The following MALSU1 variants were observed in gnomAD, a reference collection of about 807,000 sequenced individuals.
The protein encoded by MALSU1 is mitochondrial assembly of ribosomal large subunit protein 1.
In MALSU1, 22 loss-of-function variants were observed where a neutral mutation model predicts 22.1. The observed-to-expected ratio is 1.00, with a 90% CI of 0.71 to 1.42. The LOEUF is 1.42. Among genes scored for constraint, MALSU1 ranks in the 40% most tolerant of loss-of-function variants. MALSU1 has a pLI of 0.00. For synonymous variants in MALSU1, 153 were observed against 118.5 expected, an observed-to-expected ratio of 1.29 and a Z score of -1.89; for missense variants, 379 against 308.3, an observed-to-expected ratio of 1.23 and a Z score of -1.72.
At chr7:23,305,678 C>T (rs1783713758) in intron 2 of MALSU1, among the ~76,000 whole-genome samples, 1 of 152,084 alleles carries the variant, frequency 6.6e-6, no homozygotes, top group Non-Finnish European at 1.5e-5. Context: ...TGTCTGGCCC[C>T]ACATAAAGTT....
Position 23,311,568 on chromosome 7 carries a change from A to T in MALSU1, c.*2025A>T, listed in dbSNP as rs1783830722. The T allele has an allele frequency of 6.6e-6, 1 of 152,324 alleles. No homozygotes were observed. The highest frequency in any genetic ancestry group is 2.4e-5 in the African/African-American group (1 of 41,444). The allele number at this position is 152,324 out of a possible 1,614,324, so 9.4% of individuals were successfully genotyped here. A position where few individuals can be genotyped will look rare whatever the true frequency, so the allele number is the denominator to read the frequency against. ...TAGGCACTGCTCCGTATTTTTGAAC[A>T]TTTGATTTAACTAATAACTGTGTCA... On this transcript the variant is annotated 3_prime_UTR_variant, in exon 4 of 4. Transcript: ENST00000466681.
intron 2 of MALSU1, among the ~76,000 whole-genome samples, chr7:23,303,618 G>A (rs1187513700): frequency 1.3e-5 from 2 of 151,662 alleles, no homozygotes; most frequent in African/African-American, 4.8e-5. Flanking sequence ...GCAACATGGT[G>A]AAACTCCATC....
At position 23,310,853 on chromosome 7, in the gene MALSU1, AC is replaced by A. The variant is rs1783806247; in HGVS notation, c.*1311del. 1 of 152,134 alleles carries A rather than the reference AC, an allele frequency of 6.6e-6. No individual in the cohort carries two copies. The highest frequency in any genetic ancestry group is 6.6e-5 in the Admixed American group (1 of 15,254). 9.4% of individuals were successfully genotyped at this position (152,134 alleles called of 1,614,324 possible). ...AGTGTAACATGACTGTGATCATCTTACAAACAAAACTCAAAAAATCAATTCA... is the reference window on the plus strand; with the variant it reads ...AGTGTAACATGACTGTGATCATCTTAAAACAAAACTCAAAAAATCAATTCA... On this transcript the variant is annotated 3_prime_UTR_variant, in exon 4 of 4. Coordinates refer to ENST00000466681, the MANE Select transcript of MALSU1 (RefSeq NM_138446.2).
rs1207331773 is a variant in MALSU1, at chr7:23,309,403, G to GAATT, written c.567_570dup (p.Glu191IlefsTer11). The GAATT allele has an allele frequency of 1.2e-6, 2 of 1,613,342 alleles. No homozygotes were observed. The highest frequency in any genetic ancestry group is 2.2e-5 in the East Asian group (1 of 44,840). ...GCTTCCAGAAACCAGAGAAATCTAT[G>GAATT]AATTAGAGAAATTATGGACCCTACG... On this transcript the variant is annotated frameshift_variant, in exon 4 of 4. Coordinates refer to ENST00000466681, the MANE Select transcript of MALSU1 (RefSeq NM_138446.2). LOFTEE classifies it high-confidence loss of function.
intron 2 of MALSU1, among the ~76,000 whole-genome samples, chr7:23,301,541 G>A (rs925048524): frequency 1.3e-5 from 2 of 152,214 alleles, no homozygotes; most frequent in African/African-American, 2.4e-5. Context: ...TTACTGGCAT[G>A]AGCCACCTCA....
At chr7:23,307,776 AAAC>A (rs2128489525) in intron 2 of MALSU1, 89 bp from the exon 3 acceptor site, 1 of 797,568 alleles carries the variant, frequency 1.3e-6, no homozygotes, top group East Asian at 2.5e-5. Context: ...AGATTAAAAA[AAAC>A]AAACAAACAA....
In MALSU1 at chr7:23,309,675, G is replaced by C. The variant is rs1437033398; in HGVS notation, c.*132G>C. ...GCTTGTGTACCTCATGGGCACTCCT[G>C]CTAACTGGCATGCAGAGACTGTCGA... On this transcript the variant is annotated 3_prime_UTR_variant, in exon 4 of 4. Transcript: ENST00000466681. 15 of 626,350 alleles carry C rather than the reference G, an allele frequency of 2.4e-5. No homozygotes were observed. Among genetic ancestry groups the C allele is most frequent in the Non-Finnish European group, 2.3e-5 (9 of 383,316 alleles). The allele number at this position is 626,350 out of a possible 1,614,324, so 38.8% of individuals were successfully genotyped here. A position where few individuals can be genotyped will look rare whatever the true frequency, so the allele number is the denominator to read the frequency against.
chr7:23,307,993 G>A lies in MALSU1; in HGVS notation c.517+44G>A, dbSNP rs776257048. The A allele has an allele frequency of 1.1e-5, 15 of 1,326,194 alleles. 1 individual carries two copies. In the East Asian group the frequency reaches 1.4e-4, roughly 12 times the overall value. The allele number at this position is 1,326,194 out of a possible 1,614,324, so 82.2% of individuals were successfully genotyped here. ...TTTTACAGGTAACTGTTGGTACTAC[G>A]CTAATCTTGAATTGTTTTCAGTTGC... On this transcript the variant is annotated intron_variant, in intron 3 of 3. Coordinates refer to ENST00000466681, the MANE Select transcript of MALSU1 (RefSeq NM_138446.2).
intron 2 of MALSU1, 53 bp downstream of exon 2, chr7:23,301,070 G>A (rs1783638857): frequency 2.6e-6 from 4 of 1,516,512 alleles, no homozygotes; most frequent in Admixed American, 1.8e-5. Context: ...AATAGTGACA[G>A]TGCATCAGGC....
At chr7:23,307,699 A>C (rs1783739010) in intron 2 of MALSU1, 169 bp from the exon 3 acceptor site, 2 of 564,368 alleles carry the variant, frequency 3.5e-6, no homozygotes, top group Non-Finnish European at 6.3e-6. Context: ...TAAGATTTAG[A>C]GGGAGAAATA....
Position 23,300,868 on chromosome 7 carries a change from A to T in MALSU1, c.286A>T (p.Met96Leu), listed in dbSNP as rs1369799701. ...TACTGGTCCCAAGTTTGACATCGAT[A>T]TGATGGTTTCACTTCTGAGGCAAGA... ...DHTGPKFDID[M>L]MVSLLRQENA... Residue 96 changes from methionine to leucine, a missense_variant, in exon 2 of 4, where the codon ATG becomes TTG. By Grantham distance (15) the Met-to-Leu change is conservative. Transcript: ENST00000466681. 1.9e-6 allele frequency: 3 copies of T among 1,613,902 alleles called. No homozygotes were observed. Among genetic ancestry groups the T allele is most frequent in the Non-Finnish European group, 2.5e-6 (3 of 1,180,000 alleles).
In MALSU1 at chr7:23,309,454, A is replaced by T. The variant is rs369712497; in HGVS notation, c.616A>T (p.Ile206Leu). 1.2e-5 allele frequency: 20 copies of T among 1,612,474 alleles called. No homozygotes were observed. Among genetic ancestry groups the T allele is most frequent in the Non-Finnish European group, 1.4e-5 (16 of 1,178,756 alleles). The part of the protein sequence containing the change: ...LRSYDDQLAQ[I>L]APETVPEDFI... ...TTCTTATGATGACCAGTTAGCTCAGATAGCACCTGAGACAGTACCTGAAGA... is the reference window on the plus strand; with the variant it reads ...TTCTTATGATGACCAGTTAGCTCAGTTAGCACCTGAGACAGTACCTGAAGA... Residue 206 changes from isoleucine to leucine, a missense_variant, in exon 4 of 4, where the codon ATA becomes TTA. By Grantham distance (5) the Ile-to-Leu change is conservative. Coordinates refer to ENST00000466681, the MANE Select transcript of MALSU1 (RefSeq NM_138446.2).
Position 23,309,428 on chromosome 7 carries a change from G to A in MALSU1, c.590G>A (p.Arg197His), listed in dbSNP as rs145438232. The A allele has an allele frequency of 2.7e-5, 43 of 1,613,616 alleles. No individual in the cohort carries two copies. The African/African-American group carries it at 3.7e-4, about 14-fold the overall frequency. ...IYELEKLWTL[R>H]SYDDQLAQIA... is the part of the protein sequence containing the mutation. Reference sequence around the variant, plus strand: ...GAATTAGAGAAATTATGGACCCTACGTTCTTATGATGACCAGTTAGCTCAG... The same window carrying A: ...GAATTAGAGAAATTATGGACCCTACATTCTTATGATGACCAGTTAGCTCAG... Residue 197 changes from arginine (R) to histidine (H), a missense_variant, in exon 4 of 4, where the codon CGT becomes CAT. By Grantham distance (29) the Arg-to-His change is conservative (BLOSUM62 0). Transcript: ENST00000466681.
chr7:23,308,566 G>A (rs1257929842), intron 3 of MALSU1, among the ~76,000 whole-genome samples: 1 of 152,154 alleles, frequency 6.6e-6, no homozygotes, highest in African/African-American at 2.4e-5. Flanking sequence ...GACTATTAGA[G>A]GGTTAGAGAC....
intron 1 of MALSU1, among the ~76,000 whole-genome samples, chr7:23,299,966 C>T (rs1283508406): frequency 2.0e-5 from 3 of 151,966 alleles, no homozygotes; most frequent in Non-Finnish European, 4.4e-5. Flanking sequence ...GGTCTGGGTG[C>T]GAAGGGGTGC....
rs780077261 is a variant in MALSU1, at chr7:23,299,358, G to T, written c.6G>T (p.Gly2=). 10 of 1,572,226 alleles carry T rather than the reference G, an allele frequency of 6.4e-6. No individual in the cohort carries two copies. In the South Asian group the frequency reaches 6.9e-5, roughly 11 times the overall value. M[G]PGGRVARLLA... is the part of the protein sequence containing the mutation. ...GCCGACGCAAGGCTGCTGCTATGGG[G>T]CCGGGCGGCCGTGTGGCGCGGCTGC... Residue 2 remains glycine (G), a synonymous_variant, in exon 1 of 4, where the codon GGG becomes GGT. Coordinates refer to ENST00000466681, the MANE Select transcript of MALSU1 (RefSeq NM_138446.2).
chr7:23,307,006 T>C (rs1401655306), intron 2 of MALSU1, among the ~76,000 whole-genome samples: 3 of 152,200 alleles, frequency 2.0e-5, no homozygotes, highest in African/African-American at 7.2e-5. Context: ...CTAGGACTTT[T>C]GTTGGGAGAT....
At chr7:23,300,134 G>A (rs932756575) in intron 1 of MALSU1, among the ~76,000 whole-genome samples, 1 of 152,142 alleles carries the variant, frequency 6.6e-6, no homozygotes, top group African/African-American at 2.4e-5. Flanking sequence ...TTTGGAGTCG[G>A]CTTTAGAACT....
rs2128490025 is a variant in MALSU1, at chr7:23,310,604, A to G, written c.*1061A>G. 6.6e-6 allele frequency: 1 copy of G among 152,358 alleles called. No individual in the cohort carries two copies. Among genetic ancestry groups the G allele is most frequent in the Admixed American group, 6.5e-5 (1 of 15,304 alleles). The allele number at this position is 152,358 out of a possible 1,614,324, so 9.4% of individuals were successfully genotyped here. A position where few individuals can be genotyped will look rare whatever the true frequency, so the allele number is the denominator to read the frequency against. On this transcript the variant is annotated 3_prime_UTR_variant, in exon 4 of 4. Transcript: ENST00000466681. ...AATTTTAATTCATTGTATGAAAAAA[A>G]AATCATGAATGCTAGGAGAATCCAG... is the stretch of plus-strand genomic sequence containing the variant.
Sources: allele counts gnomAD v4.1 joint callset (sites outside exome capture counted in the v4.1 genomes callset), GRCh38; gene constraint gnomAD v4.1.1; transcripts MANE v1.5; gene names NCBI Gene and HGNC (gene_info 2026-07-23, HGNC 2026-07-21).